ADAM23: variants seen among roughly 807,000 people sequenced by gnomAD.
ADAM23 encodes disintegrin and metalloproteinase domain-containing protein 23.
ADAM23 carries 33 observed loss-of-function variants against 120.1 expected under a neutral mutation model. The ratio of observed to expected loss-of-function variants is 0.27; its 90% CI spans 0.21 to 0.37. The LOEUF (loss-of-function observed/expected upper bound fraction) is 0.37. ADAM23 is among the 10% of genes least tolerant of loss of function. The probability of loss-of-function intolerance (pLI) is 1.00; values close to 1 mark genes in which losing one functional copy is unlikely to be tolerated. For missense variants in ADAM23, 862 were observed against 1,058.2 expected, an observed-to-expected ratio of 0.81 and a Z score of 2.57; for synonymous variants, 367 against 375.2, an observed-to-expected ratio of 0.98 and a Z score of 0.25.
chr2:206,537,295 A>C (rs374832326), intron 4 of ADAM23, among the ~76,000 whole-genome samples: 9 of 152,292 alleles, frequency 5.9e-5, no homozygotes, highest in African/African-American at 2.2e-4. Flanking sequence ...TTTTGGCAGC[A>C]GGAGAGCATG....
intron 2 of ADAM23, among the ~76,000 whole-genome samples, chr2:206,470,088 C>G (rs1200216666): frequency 1.3e-5 from 2 of 152,070 alleles, no homozygotes; most frequent in Non-Finnish European, 2.9e-5. Context: ...AAACACACAC[C>G]CTAAAATGTA....
chr2:206,509,695 G>A (rs1024224746), intron 3 of ADAM23, among the ~76,000 whole-genome samples: 9 of 152,120 alleles, frequency 5.9e-5, no homozygotes, highest in African/African-American at 2.2e-4. Flanking sequence ...GTGATCCGCC[G>A]GCCTTGGCCT....
chr2:206,564,784 G>A (rs547496914), intron 13 of ADAM23, among the ~76,000 whole-genome samples: 1 of 152,152 alleles, frequency 6.6e-6, no homozygotes, highest in Admixed American at 6.5e-5. Context: ...AATGAAGAGA[G>A]GCACAATATT....
Position 206,619,125 on chromosome 2 carries a change from G to C in ADAM23, c.*1498G>C, listed in dbSNP as rs565992328. ...AGAAGGAGCAGTTACCTTTGTATCC[G>C]CATTGTTAAAATAGGCTTTTATGCT... On this transcript the variant is annotated 3_prime_UTR_variant, in exon 26 of 26. Coordinates refer to ENST00000264377, the MANE Select transcript of ADAM23 (RefSeq NM_003812.4). 12 of 152,256 alleles carry C rather than the reference G, an allele frequency of 7.9e-5. No homozygotes were observed. Among genetic ancestry groups the C allele is most frequent in the African/African-American group, 2.4e-4 (10 of 41,566 alleles). The allele number at this position is 152,256 out of a possible 1,614,324, so 9.4% of individuals were successfully genotyped here.
At chr2:206,494,000 T>C (rs1355920066) in intron 3 of ADAM23, among the ~76,000 whole-genome samples, 1 of 152,204 alleles carries the variant, frequency 6.6e-6, no homozygotes, top group African/African-American at 2.4e-5. Context: ...AGATAAAAAT[T>C]ATGCATATTT....
Position 206,481,283 on chromosome 2 carries a change from T to C in ADAM23, c.484T>C (p.Phe162Leu). Reference protein sequence around the residue: ...SFQIEAFGSKFILDLILNNGL... With the variant: ...SFQIEAFGSKLILDLILNNGL... ...CCAGATTGAAGCCTTCGGCTCCAAA[T>C]TCATTCTTGACCTCATACTGAACAA... The change falls in exon 3 of 26, where the codon TTC (phenylalanine) becomes CTC (leucine). Residue 162 changes from phenylalanine to leucine, a missense_variant. This residue lies in a region of ADAM23 where 617 missense variants were observed against 813.5 expected (regional missense o/e 0.76). Transcript: ENST00000264377. 3 of 1,610,804 alleles carry C rather than the reference T, an allele frequency of 1.9e-6. No individual in the cohort carries two copies. The highest frequency in any genetic ancestry group is 2.5e-6 in the Non-Finnish European group (3 of 1,178,652).
At chr2:206,462,244 G>T (rs919216566) in intron 2 of ADAM23, among the ~76,000 whole-genome samples, 1 of 152,058 alleles carries the variant, frequency 6.6e-6, no homozygotes, top group African/African-American at 2.4e-5. Context: ...AAAATTGGTG[G>T]TTACTCTGGT....
At chr2:206,601,877 A>G (rs1214998705) in intron 24 of ADAM23, among the ~76,000 whole-genome samples, 1 of 152,176 alleles carries the variant, frequency 6.6e-6, no homozygotes, top group East Asian at 1.9e-4. Flanking sequence ...AAGCTTATTA[A>G]CTGATCCATT....
intron 24 of ADAM23, among the ~76,000 whole-genome samples, chr2:206,596,532 G>T (rs1200567085): frequency 6.6e-6 from 1 of 152,084 alleles, no homozygotes; most frequent in African/African-American, 2.4e-5. Flanking sequence ...TGAGGCTCTG[G>T]TTACTTTTCA....
At chr2:206,612,302 GT>G (rs1698841516) in intron 25 of ADAM23, among the ~76,000 whole-genome samples, 1 of 152,192 alleles carries the variant, frequency 6.6e-6, no homozygotes, top group Non-Finnish European at 1.5e-5. Context: ...CACTTGGACA[GT>G]TCTGGAGATT....
At chr2:206,503,052 A>G (rs1377934816) in intron 3 of ADAM23, among the ~76,000 whole-genome samples, 3 of 152,120 alleles carry the variant, frequency 2.0e-5, no homozygotes, top group Non-Finnish European at 4.4e-5. Flanking sequence ...GTATAGGCCA[A>G]TGGGCTTTAT....
intron 2 of ADAM23, among the ~76,000 whole-genome samples, chr2:206,452,365 T>A (rs184098487): frequency 2.0e-4 from 30 of 152,358 alleles, no homozygotes; most frequent in African/African-American, 6.7e-4. Flanking sequence ...AAGTCTTGCT[T>A]CAGCATGTGT....
At position 206,589,493 on chromosome 2, in the gene ADAM23, G is replaced by A. The variant is rs771243494; in HGVS notation, c.1937G>A (p.Arg646Gln). ...GGAAACTGCGGGAAGGATGGAGACCGGTGGATTCAGTGCAGCAAACAGTGA... is the reference window on the plus strand; with the variant it reads ...GGAAACTGCGGGAAGGATGGAGACCAGTGGATTCAGTGCAGCAAACAGTGA... ...EKGNCGKDGD[R>Q]WIQCSKHDVF... Residue 646 changes from arginine to glutamine, a missense_variant, in exon 21 of 26, where the codon CGG becomes CAG. This residue lies in a region of ADAM23 where 617 missense variants were observed against 813.5 expected (regional missense o/e 0.76). Coordinates refer to ENST00000264377, the MANE Select transcript of ADAM23 (RefSeq NM_003812.4). The A allele has an allele frequency of 1.7e-5, 27 of 1,613,418 alleles. No homozygotes were observed. Among genetic ancestry groups the A allele is most frequent in the African/African-American group, 1.6e-4 (12 of 74,938 alleles).
At chr2:206,580,225 T>A (rs1698196955) in intron 18 of ADAM23, among the ~76,000 whole-genome samples, 1 of 152,194 alleles carries the variant, frequency 6.6e-6, no homozygotes. Flanking sequence ...TCTTGTCTGA[T>A]TGCTCTGGCT....
intron 6 of ADAM23, 24 bp from the exon 7 acceptor site, chr2:206,547,405 T>C (rs1574526237): frequency 6.3e-7 from 1 of 1,596,142 alleles, no homozygotes; most frequent in African/African-American, 1.3e-5. Context: ...GCTTTCTAAA[T>C]TGCCTACAAT....
intron 3 of ADAM23, among the ~76,000 whole-genome samples, chr2:206,525,494 G>C (rs917525695): frequency 6.6e-6 from 1 of 152,132 alleles, no homozygotes; most frequent in Non-Finnish European, 1.5e-5. Context: ...TAGCCACGTC[G>C]TCTTGTTCTG....
rs140711418 is a variant in ADAM23, at chr2:206,463,300, T to C, written c.432+17776T>C. Reference sequence around the variant, plus strand: ...TACAGTCAGAGAGAAGGAGATGTAATGTTGGAAACAGAGGTTTGAGTGATG... The same window carrying C: ...TACAGTCAGAGAGAAGGAGATGTAACGTTGGAAACAGAGGTTTGAGTGATG... On this transcript the variant is annotated intron_variant, in intron 2 of 25. Coordinates refer to ENST00000264377, the MANE Select transcript of ADAM23 (RefSeq NM_003812.4). Among the ~76,000 whole-genome samples, 47 of 152,246 alleles carry C rather than the reference T, an allele frequency of 3.1e-4. 3 individuals carry two copies. The East Asian group carries it at 9.1e-3, about 29-fold the overall frequency.
intron 21 of ADAM23, among the ~76,000 whole-genome samples, chr2:206,590,472 G>A (rs150288989): frequency 1.6e-3 from 243 of 152,218 alleles, no homozygotes; most frequent in African/African-American, 5.6e-3. Context: ...GAATTACTGT[G>A]GAACAATGGA....
chr2:206,481,278 C>A lies in ADAM23; in HGVS notation c.479C>A (p.Ser160Tyr). ...AGCTTCCAGATTGAAGCCTTCGGCT[C>A]CAAATTCATTCTTGACCTCATACTG... ...QASFQIEAFGSKFILDLILNN... is the reference protein window; with the variant it reads ...QASFQIEAFGYKFILDLILNN... Residue 160 changes from serine (S) to tyrosine (Y), a missense_variant, in exon 3 of 26, where the codon TCC (serine) becomes TAC (tyrosine). Transcript: ENST00000264377. 1 of 1,609,750 alleles carries A rather than the reference C, an allele frequency of 6.2e-7. No homozygotes were observed. Among genetic ancestry groups the A allele is most frequent in the Non-Finnish European group, 8.5e-7 (1 of 1,178,266 alleles).
Sources: gnomAD v4.1 joint callset for allele counts (sites outside exome capture counted in the v4.1 genomes callset) on GRCh38, gnomAD v4.1.1 for gene constraint, gnomAD v4.1.1 regional missense constraint, MANE v1.5 for transcripts, NCBI Gene and HGNC (gene_info 2026-07-23, HGNC 2026-07-21) for gene names.